CSTF2: variants seen among roughly 807,000 people sequenced by gnomAD.
The protein encoded by CSTF2 is CF-1 64 kDa subunit.
Under a neutral mutation model 45.4 loss-of-function variants are expected in CSTF2, and 8 were observed. The observed-to-expected ratio is 0.18, with a 90% CI of 0.10 to 0.32. The LOEUF is 0.32. CSTF2 is among the 10% of genes least tolerant of loss of function. The pLI is 1.00. For missense variants in CSTF2, 253 were observed against 477.1 expected (o/e 0.53, Z 4.38); for synonymous variants, 155 against 158.9 (o/e 0.98, Z 0.18).
At chrX:100,833,100 C>A in intron 10 of CSTF2, 80 bp from the exon 11 acceptor site, 1 of 1,075,981 alleles carries the variant, frequency 9.3e-7, no homozygotes. Flanking sequence ...GAAGAGATTT[C>A]TATCTTTCTT....
rs1194579780 is a variant in CSTF2, at chrX:100,833,411, G to C, written c.1439G>C (p.Ser480Thr). The change falls in exon 11 of 14, where the codon AGT (serine) becomes ACT (threonine). Residue 480 changes from serine to threonine, a missense_variant. Ser to Thr is a moderately conservative substitution (Grantham distance 58). Transcript: ENST00000372972. ...PVPGPRGPIP[S>T]GMQGPSPINM... Reference sequence around the variant, plus strand: ...CCTGGCCCCAGAGGACCTATACCTAGTGGAATGCAGGGTCCCAGTCCAATT... The same window carrying C: ...CCTGGCCCCAGAGGACCTATACCTACTGGAATGCAGGGTCCCAGTCCAATT... The C allele has an allele frequency of 2.5e-6, 3 of 1,206,937 alleles. No individual in the cohort carries two copies. The highest frequency in any genetic ancestry group is 3.4e-6 in the Non-Finnish European group (3 of 893,590).
chrX:100,828,955 CT>C (rs1308569792), intron 8 of CSTF2, among the ~76,000 whole-genome samples: 1 of 111,545 alleles, frequency 9.0e-6, no homozygotes, highest in Non-Finnish European at 1.9e-5. Context: ...GGATTTGGTG[CT>C]CTTATTTTCT....
At chrX:100,836,506 TAAC>T (rs1212052681) in intron 11 of CSTF2, among the ~76,000 whole-genome samples, 2 of 112,196 alleles carry the variant, frequency 1.8e-5, no homozygotes, top group Non-Finnish European at 3.8e-5. Flanking sequence ...ACAAGTTTGT[TAAC>T]AATATGTGTT....
At chrX:100,825,425 T>C (rs1464528702) in intron 6 of CSTF2, among the ~76,000 whole-genome samples, 2 of 111,600 alleles carry the variant, frequency 1.8e-5, no homozygotes, top group Non-Finnish European at 3.8e-5. Context: ...TATAAATATA[T>C]AAAAATTTAT....
chrX:100,820,685 A>G, intron 1 of CSTF2: 1 of 516,411 alleles, frequency 1.9e-6, no homozygotes, highest in South Asian at 2.5e-5. Context: ...TGGGGAAGTT[A>G]GACTAGCGTT....
At chrX:100,831,874 T>TA (rs1168795729) in intron 9 of CSTF2, among the ~76,000 whole-genome samples, 1 of 112,373 alleles carries the variant, frequency 8.9e-6, no homozygotes, top group African/African-American at 3.2e-5. Context: ...TTGGAAATTT[T>TA]AGTATACATA....
At chrX:100,824,520 G>A (rs1602366116) in intron 6 of CSTF2, among the ~76,000 whole-genome samples, 1 of 111,805 alleles carries the variant, frequency 8.9e-6, no homozygotes. Context: ...TGGCACTGTG[G>A]TTGGCACTTC....
chrX:100,820,792 C>T, intron 1 of CSTF2: 2 of 401,299 alleles, frequency 5.0e-6, no homozygotes, highest in Admixed American at 3.1e-5. Context: ...TACTTCTCAT[C>T]CTCTGCCCCA....
rs1287229548 is a variant in CSTF2, at chrX:100,837,025, T to A, written c.1501-314T>A. On this transcript the variant is annotated intron_variant, in intron 11 of 13. Transcript: ENST00000372972. ...TTTGTATTTCCAGTGAGCACTAGTT[T>A]CCAGGGTGTTCTCAGTTTTCACTGT... Among the ~76,000 whole-genome samples, 8 of 112,107 alleles carry A rather than the reference T, an allele frequency of 7.1e-5. No homozygotes were observed. In the Admixed American group the frequency reaches 7.6e-4, roughly 11 times the overall value.
chrX:100,839,341 T>TA, intron 13 of CSTF2, among the ~76,000 whole-genome samples: 1 of 110,785 alleles, frequency 9.0e-6, no homozygotes, highest in East Asian at 2.8e-4. Context: ...GTTTCTTTTT[T>TA]AAAAAAAATT....
rs1469594121 is a variant in CSTF2, at chrX:100,831,577, C to G, written c.952C>G (p.Pro318Ala). The stretch of plus-strand genomic sequence containing the variant: ...ATCCTTGCCTGCGAATGTCCCAACC[C>G]CTCGAGGCTTGTTAGGAGATGCTCC... ...RGSLPANVPT[P>A]RGLLGDAPND... The change falls in exon 9 of 14, where the codon CCT becomes GCT. Residue 318 changes from proline to alanine, a missense_variant. Pro to Ala is a conservative substitution (Grantham distance 27). Coordinates refer to ENST00000372972, the MANE Select transcript of CSTF2 (RefSeq NM_001325.3). 2 of 1,211,286 alleles carry G rather than the reference C, an allele frequency of 1.7e-6. No individual in the cohort carries two copies.
chrX:100,827,424 G>A (rs1189358147), intron 7 of CSTF2, among the ~76,000 whole-genome samples: 1 of 112,149 alleles, frequency 8.9e-6, no homozygotes, highest in East Asian at 2.8e-4. Context: ...TTCCCCATAT[G>A]AAACATCTGT....
chrX:100,822,447 G>GT, intron 3 of CSTF2, 27 bp downstream of exon 3: 1 of 1,173,524 alleles, frequency 8.5e-7, no homozygotes, highest in Non-Finnish European at 1.2e-6. Context: ...CTTGGATGCA[G>GT]TATGAGTTAG....
intron 4 of CSTF2, 23 bp from the exon 5 acceptor site, chrX:100,823,863 C>T (rs377241256): frequency 9.1e-6 from 11 of 1,203,823 alleles, no homozygotes; most frequent in Non-Finnish European, 1.2e-5. Flanking sequence ...AAGTATTAAA[C>T]CTGAATCTGC....
chrX:100,826,788 T>C (rs777969899), intron 7 of CSTF2, 31 bp downstream of exon 7: 32 of 1,191,410 alleles, frequency 2.7e-5, no homozygotes, highest in East Asian at 9.0e-5. Flanking sequence ...ACCATTTCAG[T>C]ACTTGCTAAA....
rs1901148831 is a variant in CSTF2 at position 100,823,307 on chromosome X, C to T, written c.323C>T (p.Ala108Val). Residue 108 changes from alanine (A) to valine (V), a missense_variant, in exon 4 of 14, where the codon GCC (alanine) becomes GTC (valine). Ala to Val is a moderately conservative substitution (Grantham distance 64). Around this residue, in one of 3 missense-constraint regions of CSTF2, gnomAD observed 45 missense variants for 147.5 expected, o/e 0.31. Coordinates refer to ENST00000372972, the MANE Select transcript of CSTF2 (RefSeq NM_001325.3). ...TCTTGATTAGGCCTTGGCACTGGTG[C>T]CCCTGTCATTGAGTCACCTTATGGA... ...KEELKSLGTG[A>V]PVIESPYGET... 8.3e-6 allele frequency: 10 copies of T among 1,210,816 alleles called. No individual in the cohort carries two copies. Among genetic ancestry groups the T allele is most frequent in the Non-Finnish European group, 1.1e-5 (10 of 894,909 alleles).
intron 1 of CSTF2, among the ~76,000 whole-genome samples, chrX:100,820,827 A>G (rs1569437548): frequency 8.9e-6 from 1 of 111,964 alleles, no homozygotes; most frequent in Non-Finnish European, 1.9e-5. Flanking sequence ...TGCTGAGGGT[A>G]TAGATCCTAG....
chrX:100,823,828 A>G, intron 4 of CSTF2, 58 bp from the exon 5 acceptor site: 1 of 1,152,567 alleles, frequency 8.7e-7, no homozygotes, highest in Non-Finnish European at 1.2e-6. Flanking sequence ...GAATGGCTCT[A>G]AATCACTATC....
chrX:100,836,452 T>G (rs947021504), intron 11 of CSTF2, among the ~76,000 whole-genome samples: 1 of 112,230 alleles, frequency 8.9e-6, no homozygotes, highest in Non-Finnish European at 1.9e-5. Context: ...TTATCCGTAT[T>G]TCTTTTATGT....
Sources: gnomAD v4.1 joint callset for allele counts (sites outside exome capture counted in the v4.1 genomes callset) on GRCh38, gnomAD v4.1.1 for gene constraint, gnomAD v4.1.1 regional missense constraint, MANE v1.5 for transcripts, NCBI Gene and HGNC (gene_info 2026-07-23, HGNC 2026-07-21) for gene names.